LZTFL1: variants seen among roughly 807,000 people sequenced by gnomAD.
LZTFL1 encodes the protein leucine zipper transcription factor like 1.
In LZTFL1, 25 loss-of-function variants were observed where a neutral mutation model predicts 45.9. The observed-to-expected ratio is 0.54, with a 90% CI of 0.40 to 0.76. The LOEUF (loss-of-function observed/expected upper bound fraction) is 0.76, where lower values mean the gene tolerates loss of function less well. Among genes scored for constraint, LZTFL1 ranks in the 30% least tolerant of loss-of-function variants. The pLI, the probability that LZTFL1 is intolerant of heterozygous loss-of-function variation, is 0.00. For synonymous variants in LZTFL1, 93 were observed against 117.4 expected, an observed-to-expected ratio of 0.79 and a Z score of 1.35; for missense variants, 277 against 331.1, an observed-to-expected ratio of 0.84 and a Z score of 1.27.
At chr3:45,871,998 G>A (rs1701677847) in intron 2 of LZTFL1, among the ~76,000 whole-genome samples, 2 of 152,236 alleles carry the variant, frequency 1.3e-5, no homozygotes, top group Admixed American at 1.3e-4. Context: ...GGTTATCTGA[G>A]GGGCTCATCG....
In LZTFL1 at chr3:45,834,501, C is replaced by T. The variant is rs1700913959; in HGVS notation, c.324-203G>A. 6.7e-6 allele frequency: 3 copies of T among 446,100 alleles called. No homozygotes were observed. In the South Asian group the frequency reaches 1.2e-4, roughly 17 times the overall value. 27.6% of individuals were successfully genotyped at this position (446,100 alleles called of 1,614,324 possible). On this transcript the variant is annotated intron_variant, in intron 3 of 9. Transcript: ENST00000296135. ...GACTCAAATGTAATCATCCACAGTA[C>T]CTGGCATTTTGTATCTACTAGGTAT...
At chr3:45,881,046 T>C (rs1701847999) in intron 2 of LZTFL1, among the ~76,000 whole-genome samples, 2 of 152,250 alleles carry the variant, frequency 1.3e-5, no homozygotes, top group South Asian at 4.1e-4. Context: ...GGATGATTTT[T>C]ATCATTAATA....
chr3:45,834,612 T>C (rs781098905), intron 3 of LZTFL1: 17 of 203,828 alleles, frequency 8.3e-5, no homozygotes, highest in Non-Finnish European at 1.6e-4. Context: ...TGAGGTGCTA[T>C]GAGGAGACTG....
Position 45,824,779 on chromosome 3 carries a change from G to A in LZTFL1, c.*1535C>T. On this transcript the variant is annotated 3_prime_UTR_variant, in exon 10 of 10. Coordinates refer to ENST00000296135, the MANE Select transcript of LZTFL1 (RefSeq NM_020347.4). ...ACAGACAATGGAATGGATTTTTGGA[G>A]AGAGTGTCAATTTAGGGCTAAAGAA... 1 of 398,240 alleles carries A rather than the reference G, an allele frequency of 2.5e-6. No homozygotes were observed. Among genetic ancestry groups the A allele is most frequent in the Non-Finnish European group, 4.4e-6 (1 of 225,818 alleles). The allele number at this position is 398,240 out of a possible 1,614,324, so 24.7% of individuals were successfully genotyped here. A position where few individuals can be genotyped will look rare whatever the true frequency, so the allele number is the denominator to read the frequency against.
At chr3:45,836,395 C>T (rs142314215) in intron 2 of LZTFL1, among the ~76,000 whole-genome samples, 70 of 152,270 alleles carry the variant, frequency 4.6e-4, no homozygotes, top group African/African-American at 1.6e-3. Flanking sequence ...TAGCTCATGC[C>T]TGTAATCCCA....
At position 45,883,762 on chromosome 3, in the gene LZTFL1, C is replaced by A. The variant is rs1020078119; in HGVS notation, c.-214-24746G>T. ...GCCTTGGCAGCTTTCTGCAATGCAT[C>A]CCCATGAACACAGTCAGGAACAACT... On this transcript the variant is annotated intron_variant, in intron 2 of 4. Coordinates refer to the LZTFL1 transcript ENST00000472635. 7.6e-5 allele frequency: 42 copies of A among 556,260 alleles called. No individual in the cohort carries two copies. The East Asian group carries it at 1.3e-3, about 18-fold the overall frequency. The allele number at this position is 556,260 out of a possible 1,614,324, so 34.5% of individuals were successfully genotyped here.
At chr3:45,913,281 C>A (rs550947464) in intron 1 of LZTFL1, 114 of 821,574 alleles carry the variant, frequency 1.4e-4, no homozygotes, top group Admixed American at 7.9e-4. Context: ...TCATGAGGAC[C>A]TGCCACAACC....
chr3:45,843,842 G>C (rs1701174860), upstream of LZTFL1, among the ~76,000 whole-genome samples: 1 of 152,154 alleles, frequency 6.6e-6, no homozygotes, highest in African/African-American at 2.4e-5. Flanking sequence ...TTGTACTTCA[G>C]GTTGTTTACT....
chr3:45,901,701 A>G lies in LZTFL1; in HGVS notation c.-215+11419T>C. The G allele has an allele frequency of 6.2e-7, 1 of 1,614,158 alleles. No individual in the cohort carries two copies. The highest frequency in any genetic ancestry group is 8.5e-7 in the Non-Finnish European group (1 of 1,180,000). On this transcript the variant is annotated intron_variant, in intron 2 of 4. Transcript: ENST00000472635. The surrounding 1 kb of genome is among the most constrained non-coding windows in gnomAD (Gnocchi z 4.3). Reference sequence around the variant, plus strand: ...CATCTGCTTCCAGGTCACCCAGACCATCGCCTTCTTCCACAGTTGCCTGAA... The same window carrying G: ...CATCTGCTTCCAGGTCACCCAGACCGTCGCCTTCTTCCACAGTTGCCTGAA...
At chr3:45,871,102 C>T (rs1378021185) in intron 2 of LZTFL1, among the ~76,000 whole-genome samples, 1 of 152,162 alleles carries the variant, frequency 6.6e-6, no homozygotes, top group African/African-American at 2.4e-5. Context: ...ATGTAATCAC[C>T]ATCTCCTTGA....
chr3:45,864,710 AAG>A (rs1701550834), intron 2 of LZTFL1, among the ~76,000 whole-genome samples: 1 of 152,202 alleles, frequency 6.6e-6, no homozygotes, highest in Non-Finnish European at 1.5e-5. Flanking sequence ...AAAAGAATAT[AAG>A]AGAGAAAAAA....
At position 45,900,696 on chromosome 3, in the gene LZTFL1, G is replaced by T; in HGVS notation, c.-215+12424C>A. The T allele has an allele frequency of 1.0e-6, 1 of 997,724 alleles. No individual in the cohort carries two copies. Among genetic ancestry groups the T allele is most frequent in the Non-Finnish European group, 1.5e-6 (1 of 673,520 alleles). 61.8% of individuals were successfully genotyped at this position (997,724 alleles called of 1,614,324 possible). A position where few individuals can be genotyped will look rare whatever the true frequency, so the allele number is the denominator to read the frequency against. On this transcript the variant is annotated intron_variant, in intron 2 of 4. Transcript: ENST00000472635. The surrounding 1 kb of genome is among the most constrained non-coding windows in gnomAD (Gnocchi z 4.7). ...GTCCTCAGAATGCCTATGTGTCTTT[G>T]GCCTTATCATAGGTGTTTGGGGTTG...
At chr3:45,894,462 C>T (rs559472351) in intron 2 of LZTFL1, among the ~76,000 whole-genome samples, 2 of 152,264 alleles carry the variant, frequency 1.3e-5, no homozygotes, top group East Asian at 1.9e-4. Context: ...CTGTTAGCTT[C>T]GGTGAGTCCC....
At chr3:45,915,044 C>T (rs1469950772) in intron 1 of LZTFL1, among the ~76,000 whole-genome samples, 1 of 152,204 alleles carries the variant, frequency 6.6e-6, no homozygotes, top group Non-Finnish European at 1.5e-5. Flanking sequence ...CCTGAAGCCA[C>T]CTCTGAGGCA....
chr3:45,896,417 T>C (rs1056252692), intron 2 of LZTFL1, among the ~76,000 whole-genome samples: 1 of 152,190 alleles, frequency 6.6e-6, no homozygotes, highest in Non-Finnish European at 1.5e-5. Flanking sequence ...CCATATTCCA[T>C]GGAAAGTAGC....
intron 2 of LZTFL1, among the ~76,000 whole-genome samples, chr3:45,876,042 A>T (rs946747763): frequency 6.6e-6 from 1 of 152,144 alleles, no homozygotes; most frequent in African/African-American, 2.4e-5. Flanking sequence ...AAGGATGCAA[A>T]CTCTCTTATC....
Position 45,825,697 on chromosome 3 carries a change from A to C in LZTFL1, c.*617T>G, listed in dbSNP as rs1435926560. On this transcript the variant is annotated 3_prime_UTR_variant, in exon 10 of 10. Coordinates refer to ENST00000296135, the MANE Select transcript of LZTFL1 (RefSeq NM_020347.4). Reference sequence around the variant, plus strand: ...AACCTCCTCTGATAAATGATCTTTAAGATGGAGAGACTGAGGAAGCTAAGT... The same window carrying C: ...AACCTCCTCTGATAAATGATCTTTACGATGGAGAGACTGAGGAAGCTAAGT... The C allele has an allele frequency of 1.3e-5, 2 of 152,170 alleles. No individual in the cohort carries two copies. The highest frequency in any genetic ancestry group is 4.8e-5 in the African/African-American group (2 of 41,442). 9.4% of individuals were successfully genotyped at this position (152,170 alleles called of 1,614,324 possible).
At chr3:45,853,545 T>G (rs190207550) in intron 4 of LZTFL1, among the ~76,000 whole-genome samples, 1 of 152,298 alleles carries the variant, frequency 6.6e-6, no homozygotes, top group East Asian at 1.9e-4. Flanking sequence ...AGGACACCCA[T>G]GTATTTTCTT....
intron 2 of LZTFL1, among the ~76,000 whole-genome samples, chr3:45,863,597 C>T (rs1701528992): frequency 6.6e-6 from 1 of 152,220 alleles, no homozygotes; most frequent in East Asian, 1.9e-4. Context: ...TCCGATGTCA[C>T]AGCATCCCCT....
Sources: allele counts gnomAD v4.1 joint callset (sites outside exome capture counted in the v4.1 genomes callset), GRCh38; gene constraint gnomAD v4.1.1; non-coding constraint Gnocchi (gnomAD v3.1); transcripts MANE v1.5; gene names NCBI Gene and HGNC (gene_info 2026-07-23, HGNC 2026-07-21).